MRPL11: variants seen among roughly 807,000 people sequenced by gnomAD.
MRPL11 encodes large ribosomal subunit protein uL11m.
In MRPL11, 21 loss-of-function variants were observed where a neutral mutation model predicts 19.1. The ratio of observed to expected loss-of-function variants is 1.10; its 90% CI spans 0.78 to 1.58. MRPL11 has a LOEUF of 1.58. MRPL11 is among the 40% of genes most tolerant of loss of function. The pLI is 0.00. For synonymous variants in MRPL11, 108 were observed against 99.7 expected (o/e 1.08, Z -0.49); for missense variants, 242 against 243.9 (o/e 0.99, Z 0.05).
chr11:66,436,993 G>A, intron 4 of MRPL11, 111 bp downstream of exon 4: 1 of 1,528,312 alleles, frequency 6.5e-7, no homozygotes, highest in African/African-American at 1.4e-5. Context: ...TAGAATCTAG[G>A]GTCCCTTGAC....
intron 1 of MRPL11, 144 bp downstream of exon 1, chr11:66,438,488 C>G: frequency 8.4e-7 from 1 of 1,193,344 alleles, no homozygotes. Context: ...ACTTTGTAAC[C>G]AGCACAAGGA....
chr11:66,438,781 CCTCA>C lies in MRPL11; in HGVS notation c.-31_-28del. ...ATGCGGGGCTGCTGGCTTCAGTTCA[CCTCA>C]GGGGAGCAGCAAGAGCGAAGCTCTG... On this transcript the variant is annotated 5_prime_UTR_variant, in exon 1 of 5. It removes the in-frame stop codon of an upstream open reading frame in the 5' UTR. Coordinates refer to ENST00000310999, the MANE Select transcript of MRPL11 (RefSeq NM_016050.5). 1.3e-6 allele frequency: 2 copies of C among 1,493,968 alleles called. No individual in the cohort carries two copies. The highest frequency in any genetic ancestry group is 2.4e-5 in the Admixed American group (1 of 41,052). 92.5% of individuals were successfully genotyped at this position (1,493,968 alleles called of 1,614,324 possible). A position where few individuals can be genotyped will look rare whatever the true frequency, so the allele number is the denominator to read the frequency against.
chr11:66,436,788 T>C, intron 4 of MRPL11: 1 of 1,552,040 alleles, frequency 6.4e-7, no homozygotes, highest in Non-Finnish European at 8.9e-7. Flanking sequence ...TTCGCACTGG[T>C]CCTTCCCTCA....
At chr11:66,438,408 G>C (rs1426143567) in intron 1 of MRPL11, 149 bp from the exon 2 acceptor site, 21 of 875,802 alleles carry the variant, frequency 2.4e-5, no homozygotes, top group Non-Finnish European at 3.4e-5. Flanking sequence ...CCAGAAGATC[G>C]TACGCATCTT....
At chr11:66,436,172 G>A in intron 4 of MRPL11, 60 bp from the exon 5 acceptor site, 1 of 1,451,796 alleles carries the variant, frequency 6.9e-7, no homozygotes, top group Non-Finnish European at 9.6e-7. Flanking sequence ...GAGCTCACAG[G>A]ACCCTATGTC....
chr11:66,437,468 A>G (rs774528059), intron 2 of MRPL11, 25 bp from the exon 3 acceptor site: 2 of 1,607,528 alleles, frequency 1.2e-6, no homozygotes, highest in South Asian at 1.1e-5. Context: ...GAAATATGAG[A>G]TTCTCTCTTC....
At chr11:66,436,670 C>T (rs1341374532) in intron 4 of MRPL11, 2 of 664,514 alleles carry the variant, frequency 3.0e-6, no homozygotes, top group Non-Finnish European at 5.3e-6. Flanking sequence ...ACCCTCCCAC[C>T]CAACATCTTA....
rs924843474 is a variant in MRPL11, at chr11:66,438,179, G to C, written c.204C>G (p.Thr68=). The C allele has an allele frequency of 6.2e-7, 1 of 1,612,964 alleles. No homozygotes were observed. The highest frequency in any genetic ancestry group is 1.3e-5 in the African/African-American group (1 of 75,022). ...KDIKEGIPLP[T]KILVKPDRTF... ...CAGACTCCACCTTCACTAAAATCTT[G>C]GTAGGCAGAGGAATGCCTTCCTTGA... Residue 68 remains threonine, a synonymous_variant, in exon 2 of 5, where the codon ACC becomes ACG. Coordinates refer to ENST00000310999, the MANE Select transcript of MRPL11 (RefSeq NM_016050.5).
At position 66,435,823 on chromosome 11, in the gene MRPL11, G is replaced by A; in HGVS notation, c.*184C>T. On this transcript the variant is annotated 3_prime_UTR_variant, in exon 5 of 5. Transcript: ENST00000310999. ...TTCCCTTCCCTGAGGTCCCAAGATA[G>A]AAGATGACAGTGGGTAAGAAAGGAT... The A allele has an allele frequency of 1.7e-6, 1 of 572,060 alleles. No homozygotes were observed. Among genetic ancestry groups the A allele is most frequent in the Non-Finnish European group, 3.2e-6 (1 of 315,910 alleles). 35.4% of individuals were successfully genotyped at this position (572,060 alleles called of 1,614,324 possible).
At chr11:66,436,197 A>G in intron 4 of MRPL11, 85 bp from the exon 5 acceptor site, 1 of 1,175,032 alleles carries the variant, frequency 8.5e-7, no homozygotes, top group Non-Finnish European at 1.2e-6. Context: ...AGGGGCTTGA[A>G]GGGGCCCCTG....
intron 4 of MRPL11, 128 bp downstream of exon 4, chr11:66,436,976 C>G: frequency 6.5e-7 from 1 of 1,548,878 alleles, no homozygotes; most frequent in Non-Finnish European, 8.9e-7. Flanking sequence ...ACCCCCACCC[C>G]ATCCTCTAGA....
In MRPL11 at chr11:66,437,335, T is replaced by C; in HGVS notation, c.313+15A>G. 1.2e-6 allele frequency: 2 copies of C among 1,614,158 alleles called. No individual in the cohort carries two copies. Among genetic ancestry groups the C allele is most frequent in the South Asian group, 1.1e-5 (1 of 91,084 alleles). On this transcript the variant is annotated intron_variant, in intron 3 of 4. Transcript: ENST00000310999. ...TGGAGCCCCCAGAATCTCAGATGCT[T>C]ACCCTGGCCCTCACCTGTTTGCCGG... is the stretch of plus-strand genomic sequence containing the variant.
intron 4 of MRPL11, 56 bp from the exon 5 acceptor site, chr11:66,436,168 A>C: frequency 5.4e-6 from 8 of 1,471,796 alleles, no homozygotes; most frequent in Non-Finnish European, 7.6e-6. Context: ...GTGGGAGCTC[A>C]CAGGACCCTA....
Position 66,438,758 on chromosome 11 carries a change from G to A in MRPL11, c.-4C>T. 1 of 1,551,818 alleles carries A rather than the reference G, an allele frequency of 6.4e-7. No individual in the cohort carries two copies. Among genetic ancestry groups the A allele is most frequent in the South Asian group, 1.2e-5 (1 of 84,840 alleles). ...CGGCCCGGCCGAGCTTTGACATGAT[G>A]CGGGGCTGCTGGCTTCAGTTCACCT... On this transcript the variant is annotated 5_prime_UTR_variant, in exon 1 of 5. Coordinates refer to ENST00000310999, the MANE Select transcript of MRPL11 (RefSeq NM_016050.5).
intron 2 of MRPL11, 22 bp downstream of exon 2, chr11:66,438,142 G>T: frequency 1.3e-6 from 2 of 1,554,002 alleles, no homozygotes; most frequent in East Asian, 2.2e-5. Flanking sequence ...AAGGAAACCA[G>T]GGATCAGAGT....
chr11:66,436,069 T>C lies in MRPL11; in HGVS notation c.517A>G (p.Ile173Val). 1 of 1,614,076 alleles carries C rather than the reference T, an allele frequency of 6.2e-7. No individual in the cohort carries two copies. ...GCCTCCTTCTGAGCAGCCAGGAAGA[T>C]GGCTCGTTCCTTCTGGAAAGCTGCA... is the stretch of plus-strand genomic sequence containing the variant. Reference protein sequence around the residue: ...ELAAFQKERAIFLAAQKEADL... With the variant: ...ELAAFQKERAVFLAAQKEADL... The change falls in exon 5 of 5, where the codon ATC (isoleucine) becomes GTC (valine). Residue 173 changes from isoleucine to valine, a missense_variant. Coordinates refer to ENST00000310999, the MANE Select transcript of MRPL11 (RefSeq NM_016050.5).
At position 66,435,727 on chromosome 11, in the gene MRPL11, G is replaced by A. The variant is rs139426698; in HGVS notation, c.*280C>T. The A allele has an allele frequency of 1.1e-3, 311 of 289,446 alleles. No individual in the cohort carries two copies. The highest frequency in any genetic ancestry group is 6.2e-3 in the African/African-American group (287 of 46,150). 17.9% of individuals were successfully genotyped at this position (289,446 alleles called of 1,614,324 possible). ...ACTTTGCTTGGCTGAACCTCAGTTT[G>A]CACATCTGAGAAGCAGTATGAAGAC... On this transcript the variant is annotated 3_prime_UTR_variant, in exon 5 of 5. Coordinates refer to ENST00000310999, the MANE Select transcript of MRPL11 (RefSeq NM_016050.5).
intron 1 of MRPL11, 43 bp downstream of exon 1, chr11:66,438,589 C>T (rs1459905317): frequency 2.0e-6 from 3 of 1,482,006 alleles, no homozygotes; most frequent in Non-Finnish European, 2.7e-6. Context: ...TAGCTTCCAC[C>T]ATCCTAGACA....
chr11:66,438,303 G>A (rs1270395021), intron 1 of MRPL11, 44 bp from the exon 2 acceptor site: 1 of 1,451,954 alleles, frequency 6.9e-7, no homozygotes, highest in Non-Finnish European at 9.7e-7. Context: ...GGAGGGGACG[G>A]CTTCCTATCG....
Sources: allele counts gnomAD v4.1 joint callset, GRCh38; gene constraint gnomAD v4.1.1; transcripts MANE v1.5; gene names NCBI Gene and HGNC (gene_info 2026-07-23, HGNC 2026-07-21).